PLCB1: variants seen among roughly 807,000 people sequenced by gnomAD.
PLCB1 encodes phospholipase C beta 1, also known as 1-phosphatidylinositol 4,5-bisphosphate phosphodiesterase beta-1.
In PLCB1, 46 loss-of-function variants were observed where a neutral mutation model predicts 161.8. That is an observed-to-expected ratio of 0.28 (90% CI 0.22 to 0.36). The LOEUF is 0.36. Ranked by LOEUF, PLCB1 falls within the 10% of genes least tolerant of loss-of-function variation. PLCB1 has a pLI of 1.00. For synonymous variants in PLCB1, 517 were observed against 503.7 expected (o/e 1.03, Z -0.35); for missense variants, 1,016 against 1,472.5 (o/e 0.69, Z 5.07).
chr20:8,744,407 C>T (rs1222081693), intron 23 of PLCB1, among the ~76,000 whole-genome samples: 2 of 151,864 alleles, frequency 1.3e-5, no homozygotes, highest in Admixed American at 1.3e-4. Flanking sequence ...TTTCTATTGT[C>T]TGACTCACAT....
chr20:8,417,421 T>C (rs1293626478), intron 3 of PLCB1, among the ~76,000 whole-genome samples: 1 of 150,778 alleles, frequency 6.6e-6, no homozygotes, highest in African/African-American at 2.5e-5. Flanking sequence ...ATCTTAGCAC[T>C]AGGACTCTGT....
chr20:8,693,027 T>C (rs1399664435), intron 10 of PLCB1, among the ~76,000 whole-genome samples: 1 of 152,048 alleles, frequency 6.6e-6, no homozygotes, highest in African/African-American at 2.4e-5. Flanking sequence ...AGAACCTAGA[T>C]AAAATATTTT....
intron 2 of PLCB1, among the ~76,000 whole-genome samples, chr20:8,186,567 C>A (rs1423695997): frequency 1.3e-5 from 2 of 152,062 alleles, no homozygotes; most frequent in Non-Finnish European, 2.9e-5. Flanking sequence ...TGTGAGTTTG[C>A]CCCCGTGATG....
intron 25 of PLCB1, among the ~76,000 whole-genome samples, chr20:8,763,032 A>G (rs1009136640): frequency 5.9e-5 from 9 of 152,334 alleles, no homozygotes; most frequent in Non-Finnish European, 1.2e-4. Flanking sequence ...CACTGGAGTT[A>G]AGATACCATC....
intron 31 of PLCB1, among the ~76,000 whole-genome samples, chr20:8,865,301 T>C (rs1987390050): frequency 6.6e-6 from 1 of 152,212 alleles, no homozygotes; most frequent in South Asian, 2.1e-4. Flanking sequence ...GATTATTCTC[T>C]AATTCTACTT....
chr20:8,196,430 G>A (rs1424532422), intron 2 of PLCB1, among the ~76,000 whole-genome samples: 1 of 151,934 alleles, frequency 6.6e-6, no homozygotes, highest in Non-Finnish European at 1.5e-5. Flanking sequence ...AGAAAGATGG[G>A]ATTACTTTTA....
intron 3 of PLCB1, among the ~76,000 whole-genome samples, chr20:8,622,518 T>C (rs1003242734): frequency 3.3e-5 from 5 of 152,184 alleles, no homozygotes; most frequent in Admixed American, 6.5e-5. Context: ...GGAATGACTG[T>C]CCACCAGTGA....
intron 9 of PLCB1, among the ~76,000 whole-genome samples, chr20:8,660,924 C>A (rs968585933): frequency 6.6e-6 from 1 of 152,096 alleles, no homozygotes; most frequent in Non-Finnish European, 1.5e-5. Context: ...AGTTTCATAG[C>A]CTTATGCTTA....
chr20:8,330,877 A>T (rs1385900591), intron 2 of PLCB1, among the ~76,000 whole-genome samples: 1 of 152,196 alleles, frequency 6.6e-6, no homozygotes, highest in Non-Finnish European at 1.5e-5. Flanking sequence ...TGAAGGAGGG[A>T]GGTAGGAAGT....
intron 26 of PLCB1, among the ~76,000 whole-genome samples, chr20:8,766,218 G>A (rs1233025817): frequency 6.6e-6 from 1 of 152,152 alleles, no homozygotes. Flanking sequence ...TAGTAACATG[G>A]TAATGTGGGA....
At chr20:8,366,646 T>C (rs565553313) in intron 2 of PLCB1, among the ~76,000 whole-genome samples, 1 of 152,304 alleles carries the variant, frequency 6.6e-6, no homozygotes, top group East Asian at 1.9e-4. Flanking sequence ...TTATCCATAC[T>C]GACAAAAAGA....
At chr20:8,657,546 G>A (rs1056004797) in intron 8 of PLCB1, among the ~76,000 whole-genome samples, 1 of 152,010 alleles carries the variant, frequency 6.6e-6, no homozygotes, top group Non-Finnish European at 1.5e-5. Context: ...TATGGTTGAA[G>A]GATTATGGGT....
intron 22 of PLCB1, 61 bp downstream of exon 22, chr20:8,740,509 A>G (rs1980821824): frequency 2.1e-6 from 2 of 965,680 alleles, no homozygotes; most frequent in South Asian, 1.8e-5. Flanking sequence ...GAGTCACCAT[A>G]TATTTTTGGG....
At chr20:8,334,254 C>A (rs953160460) in intron 2 of PLCB1, among the ~76,000 whole-genome samples, 2 of 152,032 alleles carry the variant, frequency 1.3e-5, no homozygotes, top group African/African-American at 4.8e-5. Flanking sequence ...AGCTTTAAAG[C>A]TAGATCTTTC....
chr20:8,228,686 G>GTATT (rs77958137), intron 2 of PLCB1, among the ~76,000 whole-genome samples: 97,742 of 150,472 alleles, frequency 0.65, 31,899 homozygotes, highest in East Asian at 0.76. Context: ...ATTTTTTTTT[G>GTATT]TATTTATTTA....
At chr20:8,718,218 C>CA (rs143388119) in intron 14 of PLCB1, among the ~76,000 whole-genome samples, 127 of 147,326 alleles carry the variant, frequency 8.6e-4, no homozygotes, top group African/African-American at 2.3e-3. Flanking sequence ...GACTCCGTCT[C>CA]AAAAAAAAAA....
chr20:8,825,758 G>C (rs1348737017), intron 31 of PLCB1, among the ~76,000 whole-genome samples: 1 of 152,182 alleles, frequency 6.6e-6, no homozygotes, highest in Non-Finnish European at 1.5e-5. Context: ...GGTAGAAGGG[G>C]CAAGCGGGTT....
At chr20:8,411,696 A>C (rs1484607268) in intron 3 of PLCB1, among the ~76,000 whole-genome samples, 1 of 151,956 alleles carries the variant, frequency 6.6e-6, no homozygotes, top group Non-Finnish European at 1.5e-5. Flanking sequence ...CCTGACAAAC[A>C]GAGGCATTTT....
chr20:8,255,099 C>A (rs1203371711), intron 2 of PLCB1, among the ~76,000 whole-genome samples: 1 of 152,036 alleles, frequency 6.6e-6, no homozygotes, highest in Non-Finnish European at 1.5e-5. Flanking sequence ...AAAACATTTT[C>A]CGATGACCAT....
Sources: gnomAD v4.1 joint callset for allele counts (sites outside exome capture counted in the v4.1 genomes callset) on GRCh38, gnomAD v4.1.1 for gene constraint, MANE v1.5 for transcripts, NCBI Gene and HGNC (gene_info 2026-07-23, HGNC 2026-07-21) for gene names.